The following BLTP3B variants were observed in gnomAD, a reference collection of about 807,000 sequenced individuals.
BLTP3B encodes the protein bridge-like lipid transfer protein family member 3B.
At chr12:100,110,420 C>A in the BLTP3B span, among the ~76,000 whole-genome samples, 1 of 152,136 alleles carries the variant, frequency 6.6e-6, no homozygotes, top group African/African-American at 2.4e-5. Context: ...TCATAGAATG[C>A]CATTCCTAAC....
the BLTP3B span, chr12:100,057,753 AC>A: frequency 6.3e-7 from 1 of 1,586,260 alleles, no homozygotes; most frequent in Non-Finnish European, 8.5e-7. Context: ...TCCACTGTTA[AC>A]AAAATTATTA....
chr12:100,072,980 C>T, the BLTP3B span, among the ~76,000 whole-genome samples: 1 of 152,162 alleles, frequency 6.6e-6, no homozygotes, highest in Non-Finnish European at 1.5e-5. Flanking sequence ...TATTTTTAAA[C>T]ACCCATCAAC....
At chr12:100,058,340 T>C in the BLTP3B span, 1 of 1,613,712 alleles carries the variant, frequency 6.2e-7, no homozygotes, top group South Asian at 1.1e-5. Context: ...GTCCACTACT[T>C]TCATCTTCAC....
At chr12:100,101,206 A>G in the BLTP3B span, among the ~76,000 whole-genome samples, 3 of 152,210 alleles carry the variant, frequency 2.0e-5, no homozygotes, top group Non-Finnish European at 4.4e-5. Context: ...TTTCCCAGTC[A>G]CTAATATCTG....
chr12:100,064,725 GAA>G, the BLTP3B span, among the ~76,000 whole-genome samples: 1 of 151,972 alleles, frequency 6.6e-6, no homozygotes, highest in Admixed American at 6.6e-5. Context: ...GTGTTTTTCA[GAA>G]AAACAAATGC....
At chr12:100,098,453 C>A in the BLTP3B span, 4 of 1,613,996 alleles carry the variant, frequency 2.5e-6, no homozygotes, top group Non-Finnish European at 3.4e-6. Flanking sequence ...TCAAATGATG[C>A]ATTGAAGGCT....
At chr12:100,091,660 G>A in the BLTP3B span, among the ~76,000 whole-genome samples, 6 of 151,496 alleles carry the variant, frequency 4.0e-5, no homozygotes, top group Non-Finnish European at 5.9e-5. Context: ...CCGCCACCAC[G>A]CCCGGCTAAA....
chr12:100,133,076 T>C, the BLTP3B span, among the ~76,000 whole-genome samples: 1 of 152,018 alleles, frequency 6.6e-6, no homozygotes, highest in Non-Finnish European at 1.5e-5. Flanking sequence ...ACCCTGTCTC[T>C]ACAAAAATAA....
chr12:100,100,006 G>C, the BLTP3B span, among the ~76,000 whole-genome samples: 2 of 150,450 alleles, frequency 1.3e-5, no homozygotes, highest in Non-Finnish European at 3.0e-5. Context: ...AAAAAAAAAT[G>C]CTATTCTCAG....
At chr12:100,138,480 T>C in the BLTP3B span, among the ~76,000 whole-genome samples, 4 of 152,362 alleles carry the variant, frequency 2.6e-5, no homozygotes, top group South Asian at 6.2e-4. Context: ...TGCTGTGCAA[T>C]GTAGAACGTC....
the BLTP3B span, among the ~76,000 whole-genome samples, chr12:100,140,737 T>TATATATATATATATATATAC: frequency 8.8e-6 from 1 of 113,368 alleles, no homozygotes; most frequent in Non-Finnish European, 1.7e-5. Context: ...AAAATATATA[T>TATATATATATATATATATAC]ATATATATAT....
At chr12:100,099,846 T>C in the BLTP3B span, among the ~76,000 whole-genome samples, 5 of 151,408 alleles carry the variant, frequency 3.3e-5, no homozygotes, top group African/African-American at 1.2e-4. Context: ...GAGGATCACT[T>C]GAGGCCAGGA....
chr12:100,090,989 A>G, the BLTP3B span, among the ~76,000 whole-genome samples: 1 of 151,902 alleles, frequency 6.6e-6, no homozygotes, highest in Admixed American at 6.6e-5. Flanking sequence ...CTGGAAGAAA[A>G]AAAATGGGCC....
the BLTP3B span, chr12:100,098,209 C>A: frequency 3.3e-4 from 280 of 851,962 alleles, no homozygotes; most frequent in South Asian, 4.2e-3. Context: ...CAGAGTGAGA[C>A]CCTGTCTCCC....
At chr12:100,117,285 C>A in the BLTP3B span, among the ~76,000 whole-genome samples, 5 of 152,154 alleles carry the variant, frequency 3.3e-5, no homozygotes, top group African/African-American at 1.2e-4. Context: ...CTACATCAGC[C>A]AGGTTATCAA....
At chr12:100,097,217 T>G in the BLTP3B span, 1 of 707,438 alleles carries the variant, frequency 1.4e-6, no homozygotes, top group African/African-American at 1.8e-5. Context: ...TATTTTGCAT[T>G]ATTTTAATAT....
the BLTP3B span, among the ~76,000 whole-genome samples, chr12:100,041,429 CTTTTTTTTTTTTT>C: frequency 2.0e-5 from 2 of 101,796 alleles, no homozygotes; most frequent in Non-Finnish European, 3.7e-5. Context: ...GCTATTGTTA[CTTTTTTTTTTTTT>C]TTTTTTTTTT....
chr12:100,058,313 G>A, the BLTP3B span: 1 of 1,613,690 alleles, frequency 6.2e-7, no homozygotes. Context: ...TTTCTCCTGA[G>A]CCACTTTTGT....
the BLTP3B span, among the ~76,000 whole-genome samples, chr12:100,131,200 A>T: frequency 1.3e-5 from 2 of 151,472 alleles, no homozygotes; most frequent in Non-Finnish European, 2.9e-5. Flanking sequence ...GGTCCCCACT[A>T]CTCAGGAGGC....
Sources: allele counts gnomAD v4.1 joint callset (sites outside exome capture counted in the v4.1 genomes callset), GRCh38; gene constraint gnomAD v4.1.1; transcripts MANE v1.5; gene names NCBI Gene and HGNC (gene_info 2026-07-23, HGNC 2026-07-21).